Variants in APLF observed in about 807,000 individuals in gnomAD.
APLF encodes aprataxin and PNK-like factor.
In APLF, 61 loss-of-function variants were observed where a neutral mutation model predicts 55.6. The observed-to-expected ratio is 1.10, with a 90% confidence interval of 0.89 to 1.36. APLF has a LOEUF of 1.36. Ranked by LOEUF, APLF falls within the 40% of genes most tolerant of loss-of-function variation. The pLI, the probability that APLF is intolerant of heterozygous loss-of-function variation, is 0.00. For synonymous variants in APLF, 207 were observed against 214.8 expected (o/e 0.96, Z 0.32); for missense variants, 611 against 602.5 (o/e 1.01, Z -0.15).
intron 5 of APLF, among the ~76,000 whole-genome samples, chr2:68,519,302 A>G (rs1669819951): frequency 1.4e-5 from 2 of 144,618 alleles, no homozygotes; most frequent in African/African-American, 2.5e-5. Context: ...TAAAATGTCA[A>G]ATTACTCTCA....
chr2:68,573,305 G>C (rs967761179), intron 9 of APLF, among the ~76,000 whole-genome samples: 2 of 152,116 alleles, frequency 1.3e-5, no homozygotes, highest in African/African-American at 4.8e-5. Flanking sequence ...AAAGGTTCCT[G>C]TTGTGGCCTT....
chr2:68,494,872 A>T (rs1210594106), intron 2 of APLF, among the ~76,000 whole-genome samples: 1 of 152,058 alleles, frequency 6.6e-6, no homozygotes, highest in Non-Finnish European at 1.5e-5. Context: ...CATGGTATAT[A>T]TATACCCCAT....
At chr2:68,516,071 G>A (rs1669569830) in intron 5 of APLF, among the ~76,000 whole-genome samples, 1 of 151,662 alleles carries the variant, frequency 6.6e-6, no homozygotes, top group Non-Finnish European at 1.5e-5. Flanking sequence ...TGGTCTTTAT[G>A]TAGATTATCT....
chr2:68,498,156 A>G (rs1276512666), intron 2 of APLF, among the ~76,000 whole-genome samples: 2 of 152,218 alleles, frequency 1.3e-5, no homozygotes, highest in Non-Finnish European at 2.9e-5. Flanking sequence ...CATTCATTTT[A>G]TCTTAATGTT....
At chr2:68,502,099 C>T (rs1329387636) in intron 2 of APLF, among the ~76,000 whole-genome samples, 1 of 152,040 alleles carries the variant, frequency 6.6e-6, no homozygotes, top group Non-Finnish European at 1.5e-5. Flanking sequence ...AAAGTTGCTC[C>T]CGAGATAATG....
chr2:68,513,361 C>T (rs762903504), intron 4 of APLF, 134 bp downstream of exon 4: 2 of 1,282,256 alleles, frequency 1.6e-6, no homozygotes, highest in Non-Finnish European at 2.1e-6. Flanking sequence ...TTAAGTTAAG[C>T]TCTAGAGAAT....
chr2:68,567,441 A>C, intron 9 of APLF, 54 bp downstream of exon 9: 1 of 1,350,290 alleles, frequency 7.4e-7, no homozygotes, highest in Non-Finnish European at 1.0e-6. Flanking sequence ...TGATTTTCCT[A>C]TTAAACCTAG....
intron 3 of APLF, among the ~76,000 whole-genome samples, chr2:68,504,927 G>T (rs1420580333): frequency 6.6e-6 from 1 of 152,028 alleles, no homozygotes; most frequent in Non-Finnish European, 1.5e-5. Context: ...GGAGCTTTTT[G>T]TTTGGCTTTG....
intron 9 of APLF, among the ~76,000 whole-genome samples, chr2:68,576,142 A>G (rs1442315456): frequency 2.0e-5 from 3 of 152,230 alleles, no homozygotes; most frequent in East Asian, 3.9e-4. Flanking sequence ...GTTTATTGAG[A>G]TATCATTAGG....
chr2:68,571,059 T>G (rs904058522), intron 9 of APLF, among the ~76,000 whole-genome samples: 1 of 152,222 alleles, frequency 6.6e-6, no homozygotes, highest in Non-Finnish European at 1.5e-5. Flanking sequence ...ATGATGAGCA[T>G]TTTTTCATGT....
At chr2:68,497,358 A>T (rs967747734) in intron 2 of APLF, among the ~76,000 whole-genome samples, 3 of 152,106 alleles carry the variant, frequency 2.0e-5, no homozygotes, top group Non-Finnish European at 2.9e-5. Context: ...TGATTGGATC[A>T]TGGTGGTATT....
intron 2 of APLF, among the ~76,000 whole-genome samples, chr2:68,494,325 G>A (rs1049732838): frequency 6.6e-6 from 1 of 150,634 alleles, no homozygotes; most frequent in Admixed American, 6.6e-5. Flanking sequence ...GATTTAATTG[G>A]CTCATGGGCA....
chr2:68,486,838 G>A (rs1461143586), intron 1 of APLF, among the ~76,000 whole-genome samples: 1 of 152,038 alleles, frequency 6.6e-6, no homozygotes, highest in East Asian at 1.9e-4. Context: ...CTGACTTTCA[G>A]TTGAAGTTTT....
intron 5 of APLF, among the ~76,000 whole-genome samples, chr2:68,515,066 A>G (rs543151005): frequency 6.6e-6 from 1 of 151,768 alleles, no homozygotes; most frequent in East Asian, 1.9e-4. Flanking sequence ...AGTCTTCTAA[A>G]GTTTTGGATC....
rs112107382 is a variant in APLF, at chr2:68,467,908, C to G, written c.96+81C>G. The G allele has an allele frequency of 6.3e-5, 69 of 1,094,978 alleles. 1 individual carries two copies. In the African/African-American group the frequency reaches 8.7e-4, roughly 14 times the overall value. 67.8% of individuals were successfully genotyped at this position (1,094,978 alleles called of 1,614,324 possible). A position where few individuals can be genotyped will look rare whatever the true frequency, so the allele number is the denominator to read the frequency against. ...TCCTGAAGACCGGCCCTAGTCCTGG[C>G]CGGTTTCCCCACCGCACTGGTCCGC... On this transcript the variant is annotated intron_variant, in intron 1 of 9. Coordinates refer to ENST00000303795, the MANE Select transcript of APLF (RefSeq NM_173545.3).
chr2:68,542,569 T>A (rs1168304802), intron 7 of APLF, among the ~76,000 whole-genome samples: 1 of 152,060 alleles, frequency 6.6e-6, no homozygotes, highest in African/African-American at 2.4e-5. Flanking sequence ...TCACTAAACA[T>A]TAGGGAAATG....
At chr2:68,473,324 C>G (rs1468552177) in intron 1 of APLF, among the ~76,000 whole-genome samples, 1 of 152,150 alleles carries the variant, frequency 6.6e-6, no homozygotes, top group East Asian at 1.9e-4. Flanking sequence ...TAAGGTTCCT[C>G]CAAGTCTTTT....
At chr2:68,508,746 A>G (rs1490775453) in intron 3 of APLF, among the ~76,000 whole-genome samples, 1 of 152,144 alleles carries the variant, frequency 6.6e-6, no homozygotes, top group Non-Finnish European at 1.5e-5. Context: ...GAAACAAAAA[A>G]GAGCCCACAT....
At chr2:68,518,803 A>ATATAATAAAATATTAATAATATG (rs1669771655) in intron 5 of APLF, among the ~76,000 whole-genome samples, 1 of 14,612 alleles carries the variant, frequency 6.8e-5, no homozygotes, top group Admixed American at 8.6e-4. Flanking sequence ...TTAATAATCT[A>ATATAATAAAATATTAATAATATG]TCATATAATA....
Sources: allele counts gnomAD v4.1 joint callset (sites outside exome capture counted in the v4.1 genomes callset), GRCh38; gene constraint gnomAD v4.1.1; transcripts MANE v1.5; gene names NCBI Gene and HGNC (gene_info 2026-07-23, HGNC 2026-07-21).